TEX14: variants seen among roughly 807,000 people sequenced by gnomAD.
TEX14 encodes the protein testis expressed 14, intercellular bridge forming factor.
A neutral mutation model predicts 178.6 loss-of-function variants in TEX14; 168 were observed. The ratio of observed to expected loss-of-function variants is 0.94; its 90% confidence interval spans 0.83 to 1.07. The LOEUF is 1.07. Ranked by LOEUF, TEX14 falls within the 50% of genes least tolerant of loss-of-function variation. TEX14 has a pLI of 0.00. For missense variants in TEX14, 1,730 were observed against 1,753.6 expected (o/e 0.99, Z 0.24); for synonymous variants, 626 against 634.1 (o/e 0.99, Z 0.19).
chr17:58,678,883 G>C (rs543785689), intron 1 of TEX14, among the ~76,000 whole-genome samples: 1 of 150,856 alleles, frequency 6.6e-6, no homozygotes, highest in Admixed American at 6.6e-5. Context: ...GCCAGGCGCC[G>C]TGGCTCACAC....
chr17:58,588,052 C>T (rs111871075), intron 15 of TEX14, 31 bp from the exon 16 acceptor site: 7 of 828,382 alleles, frequency 8.5e-6, no homozygotes, highest in African/African-American at 6.7e-5. Context: ...GCTATAAGAT[C>T]TCTAAGAGTA....
At chr17:58,652,042 C>A (rs368826525) in intron 1 of TEX14, 40 bp from the exon 2 acceptor site, 1 of 1,451,288 alleles carries the variant, frequency 6.9e-7, no homozygotes, top group African/African-American at 1.4e-5. Flanking sequence ...TTAACTGAAC[C>A]AGAAATGCAA....
intron 17 of TEX14, 80 bp downstream of exon 17, chr17:58,587,501 T>C: frequency 1.2e-6 from 1 of 865,990 alleles, no homozygotes; most frequent in Non-Finnish European, 1.8e-6. Context: ...ACACAGGTTG[T>C]GTACTTAGAA....
intron 15 of TEX14, among the ~76,000 whole-genome samples, chr17:58,592,154 T>C (rs1157788667): frequency 6.6e-6 from 1 of 151,988 alleles, no homozygotes; most frequent in Non-Finnish European, 1.5e-5. Flanking sequence ...AAAAAAATTT[T>C]AATCAATTTT....
At position 58,660,811 on chromosome 17, in the gene TEX14, A is replaced by G. The variant is rs780617819; in HGVS notation, c.-1-8809T>C. On this transcript the variant is annotated intron_variant, in intron 1 of 31. Transcript: ENST00000349033. ...AGTCACTCACTGTCATGGAAGCCAG[A>G]CTTGGATAGCCAGCGCCAAATACTT... 2.3e-5 allele frequency: 18 copies of G among 782,140 alleles called. No homozygotes were observed. In the East Asian group the frequency reaches 2.7e-4, roughly 12 times the overall value. 48.5% of individuals were successfully genotyped at this position (782,140 alleles called of 1,614,324 possible).
chr17:58,616,426 T>G, intron 6 of TEX14, 121 bp from the exon 7 acceptor site: 1 of 1,279,942 alleles, frequency 7.8e-7, no homozygotes, highest in Non-Finnish European at 1.0e-6. Context: ...TGAATACCCC[T>G]ATGCACTGGG....
At chr17:58,581,064 G>A (rs999176052) in intron 19 of TEX14, among the ~76,000 whole-genome samples, 5 of 152,158 alleles carry the variant, frequency 3.3e-5, no homozygotes, top group African/African-American at 1.2e-4. Context: ...TGTAATCCCA[G>A]CATTTTGGGA....
chr17:58,656,396 G>A (rs2046961496), intron 1 of TEX14, among the ~76,000 whole-genome samples: 1 of 151,492 alleles, frequency 6.6e-6, no homozygotes, highest in Non-Finnish European at 1.5e-5. Flanking sequence ...AGTGAGCCGA[G>A]ATCATGCCAC....
At position 58,615,248 on chromosome 17, in the gene TEX14, C is replaced by G. The variant is rs767891713; in HGVS notation, c.865G>C (p.Glu289Gln). 1.2e-6 allele frequency: 2 copies of G among 1,611,888 alleles called. No homozygotes were observed. The highest frequency in any genetic ancestry group is 1.1e-5 in the South Asian group (1 of 90,970). ...CCTTCTCACCTGCTGTGTTCCTGCTCGGCAATTAACAAGTCGGCCAGCCGC... is the reference window on the plus strand; with the variant it reads ...CCTTCTCACCTGCTGTGTTCCTGCTGGGCAATTAACAAGTCGGCCAGCCGC... Reference protein sequence around the residue: ...RLRLADLLIAEQEHSSKLRHP... With the variant: ...RLRLADLLIAQQEHSSKLRHP... Residue 289 changes from glutamate (E) to glutamine (Q), a missense_variant, in exon 8 of 32, where the codon GAG becomes CAG. Transcript: ENST00000349033.
intron 1 of TEX14, chr17:58,661,689 C>T (rs991837173): frequency 1.8e-5 from 11 of 602,458 alleles, no homozygotes; most frequent in Non-Finnish European, 3.2e-5. Context: ...CAGTCTGAAT[C>T]GGGCGCTGCA....
chr17:58,640,082 G>T (rs190204117), intron 2 of TEX14, among the ~76,000 whole-genome samples: 1 of 152,206 alleles, frequency 6.6e-6, no homozygotes, highest in Admixed American at 6.5e-5. Context: ...AGGCCAAGGT[G>T]GGTGGATCAC....
intron 1 of TEX14, among the ~76,000 whole-genome samples, chr17:58,687,679 AT>A (rs1171829306): frequency 2.0e-5 from 3 of 152,104 alleles, no homozygotes; most frequent in African/African-American, 7.2e-5. Flanking sequence ...TAAAAAAAAA[AT>A]AAACTTCTCC....
At position 58,601,955 on chromosome 17, in the gene TEX14, T is replaced by A. The variant is rs2045461675; in HGVS notation, c.1529A>T (p.Asp510Val). 6.2e-7 allele frequency: 1 copy of A among 1,612,748 alleles called. No individual in the cohort carries two copies. The highest frequency in any genetic ancestry group is 1.1e-5 in the South Asian group (1 of 91,018). Residue 510 changes from aspartate to valine, a missense_variant and splice_region_variant, in exon 13 of 32, where the codon GAT becomes GTT. Asp to Val is a radical substitution (Grantham distance 152). Coordinates refer to ENST00000349033, the MANE Select transcript of TEX14 (RefSeq NM_031272.5). Reference sequence around the variant, plus strand: ...TTGAGTTCTCTGGGCTCCAGTAAAATCCTGTAACACAGGAAATATTGTCAA... The same window carrying A: ...TTGAGTTCTCTGGGCTCCAGTAAAAACCTGTAACACAGGAAATATTGTCAA... ...IRYILKNDLKDFTGAQRTQPT... is the reference protein window; with the variant it reads ...IRYILKNDLKVFTGAQRTQPT...
Position 58,588,735 on chromosome 17 carries a change from T to A in TEX14, c.2577-714A>T, listed in dbSNP as rs539814507. On this transcript the variant is annotated intron_variant, in intron 15 of 31. Transcript: ENST00000349033. ...TCAATCTCTCTAGGCCAAGGCTTCCTCATTTGCAACATAAAGGCGTCTTTT... is the reference window on the plus strand; with the variant it reads ...TCAATCTCTCTAGGCCAAGGCTTCCACATTTGCAACATAAAGGCGTCTTTT... Among the ~76,000 whole-genome samples, 58 of 152,304 alleles carry A rather than the reference T, an allele frequency of 3.8e-4. No individual in the cohort carries two copies. In the South Asian group the frequency reaches 5.8e-3, roughly 15 times the overall value.
chr17:58,632,407 G>A (rs1394161523), intron 2 of TEX14, among the ~76,000 whole-genome samples: 1 of 152,130 alleles, frequency 6.6e-6, no homozygotes, highest in African/African-American at 2.4e-5. Flanking sequence ...GCCCAGGGTG[G>A]CCTTGAACTC....
chr17:58,676,037 C>T (rs1401613556), intron 1 of TEX14, among the ~76,000 whole-genome samples: 2 of 151,988 alleles, frequency 1.3e-5, no homozygotes, highest in Non-Finnish European at 1.5e-5. Flanking sequence ...GTCACGAGTT[C>T]GAGACCAGCC....
intron 13 of TEX14, 151 bp downstream of exon 13, chr17:58,601,655 C>G: frequency 1.5e-6 from 1 of 680,924 alleles, no homozygotes; most frequent in Non-Finnish European, 2.5e-6. Flanking sequence ...GAGCATGCCA[C>G]TGTACTCCAG....
chr17:58,657,516 T>G (rs2046995301), intron 1 of TEX14, among the ~76,000 whole-genome samples: 1 of 136,778 alleles, frequency 7.3e-6, no homozygotes, highest in African/African-American at 2.8e-5. Context: ...TTTTTTTTTT[T>G]TTTTTTTTTT....
At chr17:58,636,986 G>A (rs2046449299) in intron 2 of TEX14, among the ~76,000 whole-genome samples, 3 of 152,160 alleles carry the variant, frequency 2.0e-5, no homozygotes, top group Non-Finnish European at 4.4e-5. Flanking sequence ...CAGCATTTTG[G>A]GAGGCAGAAG....
Sources: allele counts gnomAD v4.1 joint callset (sites outside exome capture counted in the v4.1 genomes callset), GRCh38; gene constraint gnomAD v4.1.1; transcripts MANE v1.5; gene names NCBI Gene and HGNC (gene_info 2026-07-23, HGNC 2026-07-21).